Variants in PRDM11 observed in about 807,000 individuals in gnomAD.
PRDM11 encodes the protein PR domain-containing protein 11.
In PRDM11, 20 loss-of-function variants were observed where a neutral mutation model predicts 97.8. The observed-to-expected ratio is 0.20, with a 90% CI of 0.14 to 0.30. The LOEUF is 0.30. Among genes scored for constraint, PRDM11 ranks in the 10% least tolerant of loss-of-function variants. PRDM11 has a pLI of 1.00. For missense variants in PRDM11, 1,139 were observed against 1,555.2 expected, an observed-to-expected ratio of 0.73 and a Z score of 4.50; for synonymous variants, 599 against 637.7, an observed-to-expected ratio of 0.94 and a Z score of 0.91.
Position 45,182,879 on chromosome 11 carries a change from A to C in PRDM11, c.242A>C (p.Glu81Ala). Residue 81 changes from glutamate to alanine, a missense_variant, in exon 4 of 8, where the codon GAG (glutamate) becomes GCG (alanine). Coordinates refer to ENST00000683152, the MANE Select transcript of PRDM11 (RefSeq NM_001384648.1). Reference sequence around the variant, plus strand: ...CCTCCAGTCTGTGAGTCCTGCCAGGAGTACTTCGTGGATGAATGCCCAAAC... The same window carrying C: ...CCTCCAGTCTGTGAGTCCTGCCAGGCGTACTTCGTGGATGAATGCCCAAAC... ...VDFWFCESCQ[E>A]YFVDECPNHG... 1 of 1,598,884 alleles carries C rather than the reference A, an allele frequency of 6.3e-7. No individual in the cohort carries two copies. Among genetic ancestry groups the C allele is most frequent in the Non-Finnish European group, 8.5e-7 (1 of 1,171,362 alleles).
At position 45,219,609 on chromosome 11, in the gene PRDM11, G is replaced by A; in HGVS notation, c.594G>A (p.Leu198=). Residue 198 remains leucine, a synonymous_variant, in exon 6 of 8, where the codon CTG becomes CTA. Transcript: ENST00000683152. This position sits in a 1 kb window ranked among gnomAD's most constrained non-coding sequence, Gnocchi z 4.2. ...CCCGGGAGGAGAGGGAGCAGAACCT[G>A]CTGGCGTTCCAGCACAGTGAGCGCA... ...VISREEREQN[L]LAFQHSERIY... The A allele has an allele frequency of 6.2e-7, 1 of 1,614,164 alleles. No individual in the cohort carries two copies. The highest frequency in any genetic ancestry group is 8.5e-7 in the Non-Finnish European group (1 of 1,180,028).
At chr11:45,131,340 T>C (rs1048985099) in intron 1 of PRDM11, among the ~76,000 whole-genome samples, 1 of 152,176 alleles carries the variant, frequency 6.6e-6, no homozygotes, top group African/African-American at 2.4e-5. Context: ...TTGTGAGAAT[T>C]AAGCATGATT....
intron 1 of PRDM11, among the ~76,000 whole-genome samples, chr11:45,115,024 T>C (rs1852269741): frequency 6.6e-6 from 1 of 152,024 alleles, no homozygotes; most frequent in Non-Finnish European, 1.5e-5. Flanking sequence ...ACATTAGAAA[T>C]AGTACACATG....
upstream of PRDM11, among the ~76,000 whole-genome samples, chr11:45,143,371 TAA>T (rs994921947): frequency 6.6e-6 from 1 of 152,188 alleles, no homozygotes; most frequent in African/African-American, 2.4e-5. Context: ...CTTTTCCTTC[TAA>T]AGAGGTGAAC....
chr11:45,134,296 G>T (rs1348980875), intron 1 of PRDM11, among the ~76,000 whole-genome samples: 1 of 152,152 alleles, frequency 6.6e-6, no homozygotes, highest in Non-Finnish European at 1.5e-5. Context: ...CATGTTCCTT[G>T]AGACTCATAA....
intron 1 of PRDM11, among the ~76,000 whole-genome samples, chr11:45,151,699 A>ATT (rs1165645636): frequency 1.3e-5 from 2 of 152,226 alleles, no homozygotes; most frequent in African/African-American, 4.8e-5. Flanking sequence ...ACCACTGACT[A>ATT]TAAGTCAGGG....
At chr11:45,138,819 T>G (rs1852932532) in intron 1 of PRDM11, among the ~76,000 whole-genome samples, 1 of 152,114 alleles carries the variant, frequency 6.6e-6, no homozygotes, top group Admixed American at 6.5e-5. Flanking sequence ...TCTAACTATG[T>G]TCACAAAACT....
intron 1 of PRDM11, among the ~76,000 whole-genome samples, chr11:45,139,692 A>G (rs1371606277): frequency 1.3e-5 from 2 of 152,294 alleles, no homozygotes; most frequent in South Asian, 4.1e-4. Context: ...AAAAGATACA[A>G]CTAAGGATGT....
At position 45,219,657 on chromosome 11, in the gene PRDM11, C is replaced by T; in HGVS notation, c.642C>T (p.Asp214=). 1.2e-6 allele frequency: 2 copies of T among 1,614,134 alleles called. No individual in the cohort carries two copies. Among genetic ancestry groups the T allele is most frequent in the Non-Finnish European group, 1.7e-6 (2 of 1,180,018 alleles). ...GCATCTACTTCCGGGCGTGCAGGGA[C>T]ATCCGGCCTGGGGAGTGGCTGCGGG... ...SERIYFRACR[D]IRPGEWLRVW... Residue 214 remains aspartate (D), a synonymous_variant, in exon 6 of 8, where the codon GAC becomes GAT. Coordinates refer to ENST00000683152, the MANE Select transcript of PRDM11 (RefSeq NM_001384648.1). The surrounding 1 kb of genome is among the most constrained non-coding windows in gnomAD (Gnocchi z 4.2).
At chr11:45,170,341 T>TC (rs1202136863) in intron 1 of PRDM11, among the ~76,000 whole-genome samples, 42 of 140,396 alleles carry the variant, frequency 3.0e-4, no homozygotes, top group Admixed American at 8.4e-4. Context: ...AGACACTGTC[T>TC]CAAAAAAAAA....
At chr11:45,213,844 C>G (rs1353436483) in intron 5 of PRDM11, 1 of 414,628 alleles carries the variant, frequency 2.4e-6, no homozygotes, top group Admixed American at 2.6e-5. Flanking sequence ...TTCCCAGCTC[C>G]CCTGTCAGAG....
At chr11:45,114,999 A>G (rs760988617) in intron 1 of PRDM11, among the ~76,000 whole-genome samples, 6 of 152,202 alleles carry the variant, frequency 3.9e-5, no homozygotes, top group Non-Finnish European at 8.8e-5. Flanking sequence ...TCAGATTTAC[A>G]GGAAGGAATG....
chr11:45,232,815 A>G lies in PRDM11; in HGVS notation c.*4656A>G, dbSNP rs899240108. 6.6e-6 allele frequency: 1 copy of G among 152,100 alleles called. No individual in the cohort carries two copies. The highest frequency in any genetic ancestry group is 1.5e-5 in the Non-Finnish European group (1 of 68,032). The allele number at this position is 152,100 out of a possible 1,614,324, so 9.4% of individuals were successfully genotyped here. A position where few individuals can be genotyped will look rare whatever the true frequency, so the allele number is the denominator to read the frequency against. On this transcript the variant is annotated 3_prime_UTR_variant, in exon 8 of 8. Coordinates refer to ENST00000683152, the MANE Select transcript of PRDM11 (RefSeq NM_001384648.1). The stretch of plus-strand genomic sequence containing the variant: ...GGATGGTGCTGTGATATTTTTAAGG[A>G]GCCTTTCAGGCAATGTTTGCATGTT...
chr11:45,126,229 T>C (rs1852568042), intron 1 of PRDM11, among the ~76,000 whole-genome samples: 1 of 152,128 alleles, frequency 6.6e-6, no homozygotes, highest in Admixed American at 6.6e-5. Flanking sequence ...CCTATGTGTG[T>C]CTCTGCTTGT....
At chr11:45,187,861 C>G (rs1040514841) in intron 4 of PRDM11, among the ~76,000 whole-genome samples, 4 of 151,430 alleles carry the variant, frequency 2.6e-5, no homozygotes, top group African/African-American at 9.7e-5. Context: ...GGGTTTTTGG[C>G]CTCCACTGGG....
intron 4 of PRDM11, among the ~76,000 whole-genome samples, chr11:45,197,658 A>T (rs987446422): frequency 6.6e-6 from 1 of 152,176 alleles, no homozygotes; most frequent in African/African-American, 2.4e-5. Flanking sequence ...TGCCAGTCAT[A>T]CCTCAAAAAG....
intron 1 of PRDM11, among the ~76,000 whole-genome samples, chr11:45,108,171 C>T (rs145005821): frequency 6.6e-6 from 1 of 152,282 alleles, no homozygotes; most frequent in Non-Finnish European, 1.5e-5. Flanking sequence ...ATGCACGTGG[C>T]TCATTTTCAG....
At chr11:45,223,222 G>T (rs919051755) in intron 6 of PRDM11, among the ~76,000 whole-genome samples, 1 of 152,078 alleles carries the variant, frequency 6.6e-6, no homozygotes, top group Non-Finnish European at 1.5e-5. Context: ...CTGAAGTGGG[G>T]GGATCACTTG....
intron 6 of PRDM11, 148 bp from the exon 7 acceptor site, chr11:45,224,069 C>T (rs1854193544): frequency 7.8e-6 from 7 of 896,010 alleles, no homozygotes; most frequent in East Asian, 2.4e-5. Flanking sequence ...CTGAGTGATT[C>T]GTATCTCCCC....
Sources: allele counts gnomAD v4.1 joint callset (sites outside exome capture counted in the v4.1 genomes callset), GRCh38; gene constraint gnomAD v4.1.1; non-coding constraint Gnocchi (gnomAD v3.1); transcripts MANE v1.5; gene names NCBI Gene and HGNC (gene_info 2026-07-23, HGNC 2026-07-21).